HYOU1: variants seen among roughly 807,000 people sequenced by gnomAD.
HYOU1 encodes hypoxia up-regulated protein 1.
A neutral mutation model predicts 120.5 loss-of-function variants in HYOU1; 40 were observed. The observed-to-expected ratio is 0.33, with a 90% CI of 0.26 to 0.43. The LOEUF is 0.43. HYOU1 is among the 20% of genes least tolerant of loss of function. The pLI is 1.00. For missense variants in HYOU1, 1,085 were observed against 1,278.3 expected, an observed-to-expected ratio of 0.85 and a Z score of 2.31; for synonymous variants, 501 against 479.4, an observed-to-expected ratio of 1.05 and a Z score of -0.59.
intron 16 of HYOU1, 81 bp from the exon 17 acceptor site, chr11:119,049,284 TG>T: frequency 1.9e-6 from 3 of 1,587,096 alleles, no homozygotes; most frequent in Non-Finnish European, 2.6e-6. Flanking sequence ...GCCGACCCCA[TG>T]GGGGTTCCAT....
In HYOU1 at chr11:119,054,803, G is replaced by A. The variant is rs2133608102; in HGVS notation, c.497-128C>T. The A allele has an allele frequency of 9.6e-5, 108 of 1,127,840 alleles. No homozygotes were observed. In the East Asian group the frequency reaches 2.5e-3, roughly 26 times the overall value. The allele number at this position is 1,127,840 out of a possible 1,614,324, so 69.9% of individuals were successfully genotyped here. On this transcript the variant is annotated intron_variant, in intron 6 of 25. Transcript: ENST00000617285. The stretch of plus-strand genomic sequence containing the variant: ...GGGGCTGTCCTGTGCACTGTAGGAT[G>A]TTGAGCAGCATCCCCGGCCTCTACC...
At chr11:119,047,705 A>G (rs2133557620) in intron 22 of HYOU1, 29 bp downstream of exon 22, 80 of 1,572,212 alleles carry the variant, frequency 5.1e-5, no homozygotes, top group Non-Finnish European at 6.2e-5. Flanking sequence ...GCAGCTAAGT[A>G]TCTGGTTAAG....
chr11:119,048,655 C>G lies in HYOU1; in HGVS notation c.2165+59G>C. The G allele has an allele frequency of 6.2e-7, 1 of 1,606,620 alleles. No homozygotes were observed. The highest frequency in any genetic ancestry group is 8.5e-7 in the Non-Finnish European group (1 of 1,175,992). On this transcript the variant is annotated intron_variant, in intron 18 of 25. Transcript: ENST00000617285. This position sits in a 1 kb window ranked among gnomAD's most constrained non-coding sequence, Gnocchi z 4.7. ...CAGCCCTCCCTCCCAGGGCGCCATCCCACATCCTGCCCACCTTGCACACAC... is the reference window on the plus strand; with the variant it reads ...CAGCCCTCCCTCCCAGGGCGCCATCGCACATCCTGCCCACCTTGCACACAC...
In HYOU1 at chr11:119,046,397, C is replaced by T; in HGVS notation, c.2887+20G>A. On this transcript the variant is annotated intron_variant, in intron 24 of 25. Transcript: ENST00000617285. Reference sequence around the variant, plus strand: ...GCTAATGCAACATCCACGTGCTCAACCATGGTTGCTCCAACTCACCAGTCT... The same window carrying T: ...GCTAATGCAACATCCACGTGCTCAATCATGGTTGCTCCAACTCACCAGTCT... 1.9e-6 allele frequency: 3 copies of T among 1,613,628 alleles called. No homozygotes were observed. Among genetic ancestry groups the T allele is most frequent in the Non-Finnish European group, 2.5e-6 (3 of 1,179,688 alleles).
In HYOU1 at chr11:119,055,791, G is replaced by A. The variant is rs781902320; in HGVS notation, c.144C>T (p.Ala48=). 1 of 1,614,098 alleles carries A rather than the reference G, an allele frequency of 6.2e-7. No individual in the cohort carries two copies. The highest frequency in any genetic ancestry group is 8.5e-7 in the Non-Finnish European group (1 of 1,179,986). ...CCATGGGCACTCCAGGTTTGACAAT[G>A]GCCACCTTCATGGACTCACTGCCCA... is the stretch of plus-strand genomic sequence containing the variant. ...VDLGSESMKV[A]IVKPGVPMEI... The change falls in exon 3 of 26, where the codon GCC becomes GCT. Residue 48 remains alanine, a synonymous_variant. Coordinates refer to ENST00000617285, the MANE Select transcript of HYOU1 (RefSeq NM_006389.5). This position sits in a 1 kb window ranked among gnomAD's most constrained non-coding sequence, Gnocchi z 4.0.
Position 119,048,107 on chromosome 11 carries a change from G to A in HYOU1, c.2377-27C>T. 1.2e-6 allele frequency: 2 copies of A among 1,613,620 alleles called. No individual in the cohort carries two copies. The highest frequency in any genetic ancestry group is 1.7e-5 in the Admixed American group (1 of 60,022). ...TGATGGATGTGCGATTGGGCAGAGG[G>A]GTGGAAGGGACGACAGCAGAGCCTG... On this transcript the variant is annotated intron_variant, in intron 20 of 25. Coordinates refer to ENST00000617285, the MANE Select transcript of HYOU1 (RefSeq NM_006389.5). This position sits in a 1 kb window ranked among gnomAD's most constrained non-coding sequence, Gnocchi z 4.7.
rs183960946 is a variant in HYOU1 at position 119,054,630 on chromosome 11, T to C, written c.542A>G (p.Asn181Ser). ...CAGCACAGCTCGGCGCTCGGCCTGG[T>C]TGAAGAAGACTGGCACGGTGATCAC... ...DAVITVPVFF[N>S]QAERRAVLQA... is the part of the protein sequence containing the mutation. Residue 181 changes from asparagine (N) to serine (S), a missense_variant, in exon 7 of 26, where the codon AAC (asparagine) becomes AGC (serine). Asn to Ser is a conservative substitution (Grantham distance 46). This residue lies in a region of HYOU1 where 515 missense variants were observed against 677.8 expected (regional missense o/e 0.76). Coordinates refer to ENST00000617285, the MANE Select transcript of HYOU1 (RefSeq NM_006389.5). 6.2e-7 allele frequency: 1 copy of C among 1,613,772 alleles called. No homozygotes were observed. Among genetic ancestry groups the C allele is most frequent in the East Asian group, 2.2e-5 (1 of 44,892 alleles).
intron 24 of HYOU1, 96 bp downstream of exon 24, chr11:119,046,321 C>T: frequency 1.9e-6 from 2 of 1,077,744 alleles, no homozygotes; most frequent in Non-Finnish European, 2.8e-6. Flanking sequence ...GCCATTCAAG[C>T]TCATGGGCTG....
In HYOU1 at chr11:119,048,510, G is replaced by A; in HGVS notation, c.2219C>T (p.Ala740Val). Residue 740 changes from alanine (A) to valine (V), a missense_variant, in exon 19 of 26, where the codon GCC becomes GTC. Physicochemically the swap from Ala to Val is moderately conservative, Grantham distance 64 (BLOSUM62 0). Transcript: ENST00000617285. This position sits in a 1 kb window ranked among gnomAD's most constrained non-coding sequence, Gnocchi z 4.7. ...AAATATGAATGCTTCCAAGCTGTTG[G>A]CAGCTTTTTCCCGTTCCTGCTTCTC... ...DLEKQEREKA[A>V]NSLEAFIFET... 6.2e-7 allele frequency: 1 copy of A among 1,614,056 alleles called. No individual in the cohort carries two copies. Among genetic ancestry groups the A allele is most frequent in the South Asian group, 1.1e-5 (1 of 91,082 alleles).
chr11:119,052,338 G>A lies in HYOU1; in HGVS notation c.1079C>T (p.Pro360Leu). 9.9e-6 allele frequency: 16 copies of A among 1,614,212 alleles called. No individual in the cohort carries two copies. Among genetic ancestry groups the A allele is most frequent in the Non-Finnish European group, 1.3e-5 (15 of 1,180,038 alleles). Reference protein sequence around the residue: ...ELCADLFERVPGPVQQALQSA... With the variant: ...ELCADLFERVLGPVQQALQSA... ...CTGGAGGGCCTGCTGTACAGGCCCA[G>A]GCACCCGCTCAAACAAGTCTGCACA... The change falls in exon 10 of 26, where the codon CCT (proline) becomes CTT (leucine). Residue 360 changes from proline (P) to leucine (L), a missense_variant. Pro to Leu is a moderately conservative substitution (Grantham distance 98). Transcript: ENST00000617285. This position sits in a 1 kb window ranked among gnomAD's most constrained non-coding sequence, Gnocchi z 5.0.
In HYOU1 at chr11:119,051,284, T is replaced by G; in HGVS notation, c.1527-111A>C. ...TCAGGGGCACTCCCCAAGGGCACACTCAAGAGGACGGATGCATTCTCCAGC... is the reference window on the plus strand; with the variant it reads ...TCAGGGGCACTCCCCAAGGGCACACGCAAGAGGACGGATGCATTCTCCAGC... On this transcript the variant is annotated intron_variant, in intron 13 of 25. Coordinates refer to ENST00000617285, the MANE Select transcript of HYOU1 (RefSeq NM_006389.5). The surrounding 1 kb of genome is among the most constrained non-coding windows in gnomAD (Gnocchi z 4.2). 1 of 1,521,676 alleles carries G rather than the reference T, an allele frequency of 6.6e-7. No individual in the cohort carries two copies. The highest frequency in any genetic ancestry group is 9.0e-7 in the Non-Finnish European group (1 of 1,112,734). 94.3% of individuals were successfully genotyped at this position (1,521,676 alleles called of 1,614,324 possible).
Position 119,055,959 on chromosome 11 carries a change from G to C in HYOU1, c.91+111C>G. The C allele has an allele frequency of 2.2e-6, 3 of 1,353,460 alleles. No homozygotes were observed. Among genetic ancestry groups the C allele is most frequent in the East Asian group, 2.3e-5 (1 of 43,552 alleles). The allele number at this position is 1,353,460 out of a possible 1,614,324, so 83.8% of individuals were successfully genotyped here. On this transcript the variant is annotated intron_variant, in intron 2 of 25. Coordinates refer to ENST00000617285, the MANE Select transcript of HYOU1 (RefSeq NM_006389.5). This position sits in a 1 kb window ranked among gnomAD's most constrained non-coding sequence, Gnocchi z 4.0. ...AACGAAGATGGCAAAAGACAAAAAGGCCTGGACCTAACAACTCAAGAGACT... is the reference window on the plus strand; with the variant it reads ...AACGAAGATGGCAAAAGACAAAAAGCCCTGGACCTAACAACTCAAGAGACT...
rs1216735400 is a variant in HYOU1, at chr11:119,055,883, C to T, written c.92-40G>A. On this transcript the variant is annotated intron_variant, in intron 2 of 25. Transcript: ENST00000617285. This position sits in a 1 kb window ranked among gnomAD's most constrained non-coding sequence, Gnocchi z 4.0. ...GGTTTGTCAGTTAGCTCTCCCTTCG[C>T]CCACCTTCCTGGGACTCCCTCTAAT... 4 of 1,552,896 alleles carry T rather than the reference C, an allele frequency of 2.6e-6. No individual in the cohort carries two copies. Among genetic ancestry groups the T allele is most frequent in the African/African-American group, 2.7e-5 (2 of 73,648 alleles).
chr11:119,048,213 C>T lies in HYOU1; in HGVS notation c.2376+35G>A. The T allele has an allele frequency of 6.2e-7, 1 of 1,606,586 alleles. No individual in the cohort carries two copies. ...GACCCTGGGAGAGGAAGGAGAGCTC[C>T]CACTCCACCTGCCATGTCCTGAGAG... On this transcript the variant is annotated intron_variant, in intron 20 of 25. Transcript: ENST00000617285. The surrounding 1 kb of genome is among the most constrained non-coding windows in gnomAD (Gnocchi z 4.7).
chr11:119,054,263 C>T (rs946034850), intron 7 of HYOU1, 27 bp from the exon 8 acceptor site: 3 of 1,572,104 alleles, frequency 1.9e-6, no homozygotes, highest in African/African-American at 1.3e-5. Context: ...GCAACTGTCA[C>T]AGGAACCTTC....
intron 22 of HYOU1, 156 bp downstream of exon 22, chr11:119,047,578 G>A: frequency 4.6e-6 from 3 of 658,586 alleles, no homozygotes; most frequent in Non-Finnish European, 8.0e-6. Context: ...CCTTGCTTGG[G>A]ACTAATCAGA....
Position 119,046,491 on chromosome 11 carries a change from C to T in HYOU1, c.2837-24G>A, listed in dbSNP as rs2133550286. ...GCCTAGAAGGAAACCAGGGGTAAGA[C>T]ATAGCCTCAGGAAGGAAAGGAGGCT... On this transcript the variant is annotated intron_variant, in intron 23 of 25. Transcript: ENST00000617285. 1.7e-5 allele frequency: 28 copies of T among 1,614,034 alleles called. 1 individual carries two copies. The highest frequency in any genetic ancestry group is 1.6e-4 in the Middle Eastern group (1 of 6,084).
intron 24 of HYOU1, 150 bp downstream of exon 24, chr11:119,046,265 CTT>C (rs11349624): frequency 0.12 from 57,302 of 484,584 alleles, 8 homozygotes; most frequent in East Asian, 0.19. Flanking sequence ...CGTGCCTGGC[CTT>C]TTTTTTTTTT....
At position 119,055,089 on chromosome 11, in the gene HYOU1, A is replaced by G. The variant is rs2133609959; in HGVS notation, c.420-29T>C. ...AGGGGAAGGAAGGTAGTTGGAGCCA[A>G]GGAAAGCCAGGCATTAAGGCAGGAC... On this transcript the variant is annotated intron_variant, in intron 5 of 25. Coordinates refer to ENST00000617285, the MANE Select transcript of HYOU1 (RefSeq NM_006389.5). This position sits in a 1 kb window ranked among gnomAD's most constrained non-coding sequence, Gnocchi z 4.0. 1 of 1,613,914 alleles carries G rather than the reference A, an allele frequency of 6.2e-7. No individual in the cohort carries two copies. Among genetic ancestry groups the G allele is most frequent in the East Asian group, 2.2e-5 (1 of 44,878 alleles).
Sources: allele counts gnomAD v4.1 joint callset, GRCh38; gene constraint gnomAD v4.1.1; regional missense constraint gnomAD v4.1.1; non-coding constraint Gnocchi (gnomAD v3.1); transcripts MANE v1.5; gene names NCBI Gene and HGNC (gene_info 2026-07-23, HGNC 2026-07-21).